KAT6A: variants seen among roughly 807,000 people sequenced by gnomAD.
The protein encoded by KAT6A is histone acetyltransferase KAT6A.
Under a neutral mutation model 198.4 loss-of-function variants are expected in KAT6A, and 9 were observed. The ratio of observed to expected loss-of-function variants is 0.05; its 90% CI spans 0.03 to 0.08. The LOEUF (loss-of-function observed/expected upper bound fraction) is 0.08. Among genes scored for constraint, KAT6A ranks in the 10% least tolerant of loss-of-function variants. The pLI is 1.00. For synonymous variants in KAT6A, 890 were observed against 883.0 expected (o/e 1.01, Z -0.14); for missense variants, 2,077 against 2,509.9 (o/e 0.83, Z 3.69).
chr8:41,986,627 C>A (rs1475870456), intron 3 of KAT6A, among the ~76,000 whole-genome samples: 1 of 152,114 alleles, frequency 6.6e-6, no homozygotes, highest in Admixed American at 6.6e-5. Context: ...AACTGAATTA[C>A]ACATTTCAGC....
At chr8:41,940,136 G>C (rs561693001) in intron 15 of KAT6A, among the ~76,000 whole-genome samples, 1 of 152,180 alleles carries the variant, frequency 6.6e-6, no homozygotes, top group Non-Finnish European at 1.5e-5. Flanking sequence ...GAGCAGCCTC[G>C]CTTCAGTCTG....
intron 2 of KAT6A, among the ~76,000 whole-genome samples, chr8:42,010,113 T>G (rs545575091): frequency 1.3e-4 from 20 of 152,082 alleles, no homozygotes; most frequent in Non-Finnish European, 2.8e-4. Context: ...AAGACCAGTC[T>G]GGCAAACATT....
intron 3 of KAT6A, among the ~76,000 whole-genome samples, chr8:41,986,753 T>C (rs1209791138): frequency 6.6e-6 from 1 of 152,072 alleles, no homozygotes; most frequent in East Asian, 1.9e-4. Flanking sequence ...ACAGCCCACA[T>C]ATGGCCGGGT....
chr8:41,972,544 C>A (rs1441884662), intron 8 of KAT6A, among the ~76,000 whole-genome samples: 1 of 152,150 alleles, frequency 6.6e-6, no homozygotes, highest in Non-Finnish European at 1.5e-5. Context: ...CACAGCACAC[C>A]TGTGGAATTT....
rs371614477 is a variant in KAT6A at position 41,933,838 on chromosome 8, T to C, written c.4382A>G (p.Gln1461Arg). 1.2e-5 allele frequency: 19 copies of C among 1,614,030 alleles called. No homozygotes were observed. Among genetic ancestry groups the C allele is most frequent in the Non-Finnish European group, 1.5e-5 (18 of 1,180,030 alleles). Reference sequence around the variant, plus strand: ...GGACATCTGAGGGTCCTCGTCAGCCTGGGTGTAACTCTGCAGGGTCTGACA... The same window carrying C: ...GGACATCTGAGGGTCCTCGTCAGCCCGGGTGTAACTCTGCAGGGTCTGACA... ...AACQTLQSYTQADEDPQMSMV... is the reference protein window; with the variant it reads ...AACQTLQSYTRADEDPQMSMV... The change falls in exon 17 of 17, where the codon CAG (glutamine) becomes CGG (arginine). Residue 1461 changes from glutamine (Q) to arginine (R), a missense_variant. Around this residue, in one of 13 missense-constraint regions of KAT6A, gnomAD observed 178 missense variants for 220.8 expected, o/e 0.81. Coordinates refer to ENST00000265713, the MANE Select transcript of KAT6A (RefSeq NM_006766.5). The surrounding 1 kb of genome is among the most constrained non-coding windows in gnomAD (Gnocchi z 6.2).
intron 2 of KAT6A, among the ~76,000 whole-genome samples, chr8:42,033,468 A>T (rs1827226991): frequency 6.6e-6 from 1 of 152,206 alleles, no homozygotes; most frequent in African/African-American, 2.4e-5. Flanking sequence ...TAGACATGTG[A>T]TTTTTAAAAT....
chr8:42,034,881 T>C (rs1827293033), intron 2 of KAT6A, among the ~76,000 whole-genome samples: 1 of 152,146 alleles, frequency 6.6e-6, no homozygotes. Flanking sequence ...TAGAAGAAAA[T>C]GTGGCAAAGA....
intron 2 of KAT6A, among the ~76,000 whole-genome samples, chr8:42,009,322 T>C (rs1316925334): frequency 1.3e-5 from 2 of 151,862 alleles, no homozygotes; most frequent in Non-Finnish European, 2.9e-5. Context: ...TATATGAAAA[T>C]AAAAATTTTA....
intron 2 of KAT6A, among the ~76,000 whole-genome samples, chr8:41,996,828 C>A (rs1474427472): frequency 2.0e-5 from 3 of 152,148 alleles, no homozygotes; most frequent in Non-Finnish European, 2.9e-5. Flanking sequence ...CATTCTGTTA[C>A]AACAGCAGAA....
intron 14 of KAT6A, chr8:41,942,499 T>C (rs923585817): frequency 1.0e-5 from 4 of 382,876 alleles, no homozygotes; most frequent in Non-Finnish European, 1.9e-5. Flanking sequence ...ATTTCTCAAC[T>C]ACTATCCAGC....
rs1454675088 is a variant in KAT6A, at chr8:41,929,726, T to C, written c.*2479A>G. On this transcript the variant is annotated 3_prime_UTR_variant, in exon 17 of 17. Coordinates refer to ENST00000265713, the MANE Select transcript of KAT6A (RefSeq NM_006766.5). Reference sequence around the variant, plus strand: ...GAAAAGCAAATATAAACAGACAGGATAGACGTGGCTTCCTTTGTACATGCG... The same window carrying C: ...GAAAAGCAAATATAAACAGACAGGACAGACGTGGCTTCCTTTGTACATGCG... 2 of 192,564 alleles carry C rather than the reference T, an allele frequency of 1.0e-5. No individual in the cohort carries two copies. Among genetic ancestry groups the C allele is most frequent in the East Asian group, 8.2e-5 (1 of 12,158 alleles). 11.9% of individuals were successfully genotyped at this position (192,564 alleles called of 1,614,324 possible). A position where few individuals can be genotyped will look rare whatever the true frequency, so the allele number is the denominator to read the frequency against.
chr8:42,044,453 T>G (rs1207715716), intron 2 of KAT6A, among the ~76,000 whole-genome samples: 1 of 152,192 alleles, frequency 6.6e-6, no homozygotes, highest in South Asian at 2.1e-4. Flanking sequence ...CTTATCAATG[T>G]GAAAAGAACA....
In KAT6A at chr8:41,933,046, C is replaced by T. The variant is rs769558477; in HGVS notation, c.5174G>A (p.Ser1725Asn). 1 of 1,611,688 alleles carries T rather than the reference C, an allele frequency of 6.2e-7. No homozygotes were observed. The highest frequency in any genetic ancestry group is 8.5e-7 in the Non-Finnish European group (1 of 1,179,770). ...CTCATAGATACTTATGTTCCCAGTG[C>T]TTCCAGATTCTGGTATCTCCATGAT... ...PMIMEIPESG[S>N]TGNISIYERI... is the part of the protein sequence containing the mutation. Residue 1725 changes from serine (S) to asparagine (N), a missense_variant, in exon 17 of 17, where the codon AGC becomes AAC. Physicochemically the swap from Ser to Asn is conservative, Grantham distance 46. Coordinates refer to ENST00000265713, the MANE Select transcript of KAT6A (RefSeq NM_006766.5). The surrounding 1 kb of genome is among the most constrained non-coding windows in gnomAD (Gnocchi z 6.2).
At chr8:42,045,500 T>A (rs1188214659) in intron 2 of KAT6A, among the ~76,000 whole-genome samples, 3 of 145,428 alleles carry the variant, frequency 2.1e-5, no homozygotes, top group Non-Finnish European at 4.5e-5. Flanking sequence ...CAGCGGAGGC[T>A]GCAGTAAGCC....
In KAT6A at chr8:41,934,234, T is replaced by C. The variant is rs772604697; in HGVS notation, c.3986A>G (p.Lys1329Arg). Residue 1329 changes from lysine to arginine, a missense_variant, in exon 17 of 17, where the codon AAA (lysine) becomes AGA (arginine). By Grantham distance (26) the Lys-to-Arg change is conservative. Coordinates refer to ENST00000265713, the MANE Select transcript of KAT6A (RefSeq NM_006766.5). The part of the protein sequence containing the change: ...EDDGHLESTK[K>R]KELEEQPTRE... ...CGTGGGCTGTTCCTCTAGCTCCTTT[T>C]TCTTTGTGGACTCCAGGTGGCCATC... The C allele has an allele frequency of 3.1e-6, 5 of 1,614,070 alleles. No individual in the cohort carries two copies. The East Asian group carries it at 8.9e-5, about 29-fold the overall frequency.
chr8:42,048,244 C>T, intron 2 of KAT6A, 134 bp downstream of exon 2: 1 of 827,618 alleles, frequency 1.2e-6, no homozygotes, highest in East Asian at 2.5e-5. Flanking sequence ...CTACAACTCA[C>T]CAATAAAAAA....
intron 3 of KAT6A, among the ~76,000 whole-genome samples, chr8:41,982,259 A>ATG (rs1286727009): frequency 2.0e-5 from 3 of 152,068 alleles, no homozygotes; most frequent in Non-Finnish European, 4.4e-5. Context: ...TCCGGTATAT[A>ATG]TGTATATATA....
chr8:41,967,106 C>A (rs768010656), intron 8 of KAT6A, among the ~76,000 whole-genome samples: 4 of 151,962 alleles, frequency 2.6e-5, no homozygotes, highest in Non-Finnish European at 4.4e-5. Flanking sequence ...CAGAACCATA[C>A]AAAAACCAAA....
intron 2 of KAT6A, among the ~76,000 whole-genome samples, chr8:42,042,882 G>A (rs777193981): frequency 2.6e-4 from 40 of 152,138 alleles, no homozygotes; most frequent in Non-Finnish European, 5.1e-4. Context: ...GTGTAAAAAT[G>A]AACTCAGAAG....
Sources: gnomAD v4.1 joint callset for allele counts (sites outside exome capture counted in the v4.1 genomes callset) on GRCh38, gnomAD v4.1.1 for gene constraint, gnomAD v4.1.1 regional missense constraint, Gnocchi (gnomAD v3.1) non-coding constraint, MANE v1.5 for transcripts, NCBI Gene and HGNC (gene_info 2026-07-23, HGNC 2026-07-21) for gene names.